KIF4A: variants seen among roughly 807,000 people sequenced by gnomAD.
KIF4A encodes the protein kinesin family member 4A, also known as chromosome-associated kinesin KIF4A.
A neutral mutation model predicts 105.9 loss-of-function variants in KIF4A; 7 were observed. The ratio of observed to expected loss-of-function variants is 0.07; its 90% CI spans 0.04 to 0.12. The LOEUF (loss-of-function observed/expected upper bound fraction) is 0.12. KIF4A is among the 10% of genes least tolerant of loss of function. KIF4A has a pLI of 1.00. For missense variants in KIF4A, 558 were observed against 929.2 expected (o/e 0.60, Z 5.19); for synonymous variants, 281 against 331.3 (o/e 0.85, Z 1.65).
Position 70,353,813 on chromosome X carries a change from CTA to C in KIF4A, c.1674+8_1674+9del, listed in dbSNP as rs952007839. The C allele has an allele frequency of 3.5e-6, 4 of 1,150,562 alleles. No homozygotes were observed. The highest frequency in any genetic ancestry group is 4.7e-6 in the Non-Finnish European group (4 of 859,277). 94.8% of individuals were successfully genotyped at this position (1,150,562 alleles called of 1,213,427 possible). ...CCATTCAGTACCAATACCAGGTAAA[CTA>C]TTTCCTAGGGCAGTATTTGTTCATG... On this transcript the variant is annotated splice_region_variant and intron_variant, in intron 15 of 30. Coordinates refer to ENST00000374403, the MANE Select transcript of KIF4A (RefSeq NM_012310.5).
chrX:70,409,806 A>G (rs2086314732), intron 28 of KIF4A, among the ~76,000 whole-genome samples: 1 of 109,356 alleles, frequency 9.1e-6, no homozygotes, highest in South Asian at 3.9e-4. Flanking sequence ...AAAAAAAAAA[A>G]AAAAAGAAAA....
At chrX:70,359,059 A>G (rs917073545) in intron 15 of KIF4A, among the ~76,000 whole-genome samples, 3 of 111,692 alleles carry the variant, frequency 2.7e-5, no homozygotes, top group Non-Finnish European at 5.6e-5. Flanking sequence ...CTTCTTCTTG[A>G]TGTTTGTCCT....
In KIF4A at chrX:70,375,370, A is replaced by G. The variant is rs1293785612; in HGVS notation, c.1923+22A>G. 3 of 1,193,719 alleles carry G rather than the reference A, an allele frequency of 2.5e-6. No individual in the cohort carries two copies. In the East Asian group the frequency reaches 8.9e-5, roughly 35 times the overall value. On this transcript the variant is annotated intron_variant, in intron 17 of 30. Coordinates refer to ENST00000374403, the MANE Select transcript of KIF4A (RefSeq NM_012310.5). ...ACGGGTAATAAATTCTCATCCTTGC[A>G]TTTACCCCCATTGGAATTTACAAAC...
At chrX:70,384,420 A>C (rs1042391650) in intron 18 of KIF4A, among the ~76,000 whole-genome samples, 1 of 110,988 alleles carries the variant, frequency 9.0e-6, no homozygotes, top group African/African-American at 3.3e-5. Context: ...AATATTGGAT[A>C]ATGTTGGCCT....
At chrX:70,388,715 A>G (rs2086226675) in intron 20 of KIF4A, among the ~76,000 whole-genome samples, 2 of 111,604 alleles carry the variant, frequency 1.8e-5, no homozygotes, top group African/African-American at 6.5e-5. Flanking sequence ...ATGTGTTCAA[A>G]TCTGTCCCCA....
intron 15 of KIF4A, among the ~76,000 whole-genome samples, chrX:70,363,801 C>T (rs1045738324): frequency 9.0e-6 from 1 of 111,724 alleles, no homozygotes; most frequent in Non-Finnish European, 1.9e-5. Flanking sequence ...GTTCTAGATC[C>T]CTGAGGAATC....
At chrX:70,417,825 G>A in intron 28 of KIF4A, 63 bp from the exon 29 acceptor site, 3 of 901,022 alleles carry the variant, frequency 3.3e-6, no homozygotes, top group South Asian at 2.5e-5. Flanking sequence ...ATGAAGGGAA[G>A]TCATTTTAAA....
rs1383930332 is a variant in KIF4A, at chrX:70,420,137, C to G, written c.3571C>G (p.Pro1191Ala). 8.3e-7 allele frequency: 1 copy of G among 1,208,750 alleles called. No homozygotes were observed. The highest frequency in any genetic ancestry group is 3.0e-5 in the East Asian group (1 of 33,719). Residue 1191 changes from proline (P) to alanine (A), a missense_variant, in exon 31 of 31, where the codon CCA (proline) becomes GCA (alanine). Physicochemically the swap from Pro to Ala is conservative, Grantham distance 27. Transcript: ENST00000374403. ...CCCAGCTCCCTCCCCTTTTGACCTC[C>G]CAGAGTTGAAACATGTAGCAACAGA... ...TPPAPSPFDL[P>A]ELKHVATEYQ... is the part of the protein sequence containing the mutation.
chrX:70,418,543 C>G (rs937988892), intron 29 of KIF4A, among the ~76,000 whole-genome samples: 1 of 111,448 alleles, frequency 9.0e-6, no homozygotes, highest in Non-Finnish European at 1.9e-5. Flanking sequence ...CCAAGTTAAC[C>G]TAAATGTCCT....
At chrX:70,383,140 T>C (rs1192375817) in intron 18 of KIF4A, among the ~76,000 whole-genome samples, 4 of 104,979 alleles carry the variant, frequency 3.8e-5, no homozygotes, top group Non-Finnish European at 7.8e-5. Flanking sequence ...TGAGCCGAGA[T>C]CGTGCCATTG....
chrX:70,329,359 G>A (rs1245840470), intron 7 of KIF4A, 46 bp from the exon 8 acceptor site: 4 of 1,074,483 alleles, frequency 3.7e-6, no homozygotes, highest in Non-Finnish European at 3.9e-6. Context: ...ATAGGTATAT[G>A]TTGGATGCAT....
intron 25 of KIF4A, 144 bp downstream of exon 25, chrX:70,404,966 C>A: frequency 2.3e-6 from 1 of 431,605 alleles, no homozygotes; most frequent in Non-Finnish European, 4.1e-6. Context: ...CTTTTAGGCC[C>A]TATTTGATCA....
At chrX:70,376,000 T>C (rs1164748177) in intron 17 of KIF4A, 100 bp from the exon 18 acceptor site, 1 of 508,458 alleles carries the variant, frequency 2.0e-6, no homozygotes, top group Non-Finnish European at 3.3e-6. Flanking sequence ...CCCAGCCTAG[T>C]TCTGGCTTTT....
At chrX:70,309,630 G>T (rs1285037778) in intron 7 of KIF4A, among the ~76,000 whole-genome samples, 1 of 112,345 alleles carries the variant, frequency 8.9e-6, no homozygotes, top group Non-Finnish European at 1.9e-5. Context: ...GTTTAAAGTA[G>T]ACAGTGCGAT....
At chrX:70,338,069 T>C (rs1445615136) in intron 10 of KIF4A, among the ~76,000 whole-genome samples, 1 of 110,799 alleles carries the variant, frequency 9.0e-6, no homozygotes, top group East Asian at 2.8e-4. Flanking sequence ...TTGTTTATGA[T>C]TTTTTTGTCA....
intron 18 of KIF4A, among the ~76,000 whole-genome samples, chrX:70,378,715 C>T (rs2086184760): frequency 1.8e-5 from 1 of 54,653 alleles, no homozygotes; most frequent in South Asian, 1.5e-3. Flanking sequence ...GCAACAAAAG[C>T]GAAACTGTCT....
intron 18 of KIF4A, among the ~76,000 whole-genome samples, chrX:70,379,792 GAAAAAA>G (rs772896645): frequency 1.0e-4 from 7 of 67,934 alleles, no homozygotes; most frequent in Admixed American, 7.2e-4. Flanking sequence ...TTCTGTCTCA[GAAAAAA>G]AAAAAAAAAA....
rs535073131 is a variant in KIF4A at position 70,356,260 on chromosome X, G to C, written c.1674+2453G>C. On this transcript the variant is annotated intron_variant, in intron 15 of 30. Transcript: ENST00000374403. ...CACACCACTGCAATCCAGCCTGAGT[G>C]ACAGAGTGAGACCATCCCAACAAAA... Among the ~76,000 whole-genome samples, 4 of 110,643 alleles carry C rather than the reference G, an allele frequency of 3.6e-5. No homozygotes were observed. In the East Asian group the frequency reaches 1.1e-3, roughly 31 times the overall value.
chrX:70,419,818 G>C (rs202117804), intron 30 of KIF4A, 35 bp downstream of exon 30: 2 of 1,208,547 alleles, frequency 1.7e-6, no homozygotes, highest in Non-Finnish European at 2.2e-6. Context: ...TGGAAAACTG[G>C]ATTAGCGTCC....
Sources: gnomAD v4.1 joint callset for allele counts (sites outside exome capture counted in the v4.1 genomes callset) on GRCh38, gnomAD v4.1.1 for gene constraint, MANE v1.5 for transcripts, NCBI Gene and HGNC (gene_info 2026-07-23, HGNC 2026-07-21) for gene names.